The following GNG7 variants were observed in gnomAD, a reference collection of about 807,000 sequenced individuals.
The protein encoded by GNG7 is guanine nucleotide-binding protein G(I)/G(S)/G(O) subunit gamma-7.
In GNG7, 1 loss-of-function variant was observed where a neutral mutation model predicts 4.0. The ratio of observed to expected loss-of-function variants is 0.25; its 90% confidence interval spans 0.09 to 1.18. The LOEUF (loss-of-function observed/expected upper bound fraction) is 1.18. Ranked by LOEUF, GNG7 falls within the 50% of genes most tolerant of loss-of-function variation. The pLI is 0.50. For missense variants in GNG7, 86 were observed against 91.9 expected (o/e 0.94, Z 0.26); for synonymous variants, 34 against 36.9 (o/e 0.92, Z 0.29).
intron 2 of GNG7, among the ~76,000 whole-genome samples, chr19:2,583,696 A>G (rs1012160404): frequency 6.6e-6 from 1 of 152,200 alleles, no homozygotes; most frequent in Non-Finnish European, 1.5e-5. Flanking sequence ...GAAATAATAA[A>G]CAACTTAGAT....
At chr19:2,579,386 C>A (rs1392354093) in intron 2 of GNG7, among the ~76,000 whole-genome samples, 3 of 152,228 alleles carry the variant, frequency 2.0e-5, no homozygotes, top group Non-Finnish European at 4.4e-5. Flanking sequence ...CCCACCCAGA[C>A]CTGCGCCCTG....
At chr19:2,665,196 C>T (rs898005445) in intron 1 of GNG7, among the ~76,000 whole-genome samples, 4 of 152,318 alleles carry the variant, frequency 2.6e-5, no homozygotes, top group African/African-American at 7.2e-5. Context: ...CTGAGTCTCT[C>T]CTCCCAGGCA....
intron 3 of GNG7, among the ~76,000 whole-genome samples, chr19:2,532,777 T>A (rs1271011870): frequency 6.6e-6 from 1 of 152,050 alleles, no homozygotes; most frequent in South Asian, 2.1e-4. Context: ...TGGCAAAAAT[T>A]TAAAAGACTG....
intron 2 of GNG7, among the ~76,000 whole-genome samples, chr19:2,627,018 A>G (rs1249900845): frequency 2.0e-5 from 3 of 151,960 alleles, no homozygotes; most frequent in Non-Finnish European, 4.4e-5. Context: ...GACGGCATAA[A>G]CCCGGGAGCC....
chr19:2,549,373 A>C (rs6510684), intron 3 of GNG7, among the ~76,000 whole-genome samples: 95,453 of 150,068 alleles, frequency 0.64, 31,270 homozygotes, highest in East Asian at 0.87. Flanking sequence ...CTCACTGCAA[A>C]CTCCACCCCC....
chr19:2,618,420 C>G lies in GNG7; in HGVS notation c.-78+27804G>C, dbSNP rs1981779781. Among the ~76,000 whole-genome samples the G allele has an allele frequency of 6.6e-6, 1 of 151,938 alleles. No individual in the cohort carries two copies. Among genetic ancestry groups the G allele is most frequent in the Admixed American group, 6.6e-5 (1 of 15,252 alleles). On this transcript the variant is annotated intron_variant, in intron 2 of 4. Coordinates refer to ENST00000382159, the MANE Select transcript of GNG7 (RefSeq NM_052847.3). The surrounding 1 kb of genome is among the most constrained non-coding windows in gnomAD (Gnocchi z 5.1). ...CTGGAGTGCAGTGGTGCAACCTCAG[C>G]TCACTGCAACCTGCACCTCCCCTGT...
chr19:2,523,506 A>C (rs372840595), intron 3 of GNG7, among the ~76,000 whole-genome samples: 1 of 152,080 alleles, frequency 6.6e-6, no homozygotes, highest in African/African-American at 2.4e-5. Flanking sequence ...TGGGCAATTT[A>C]GTGAGACCCC....
chr19:2,671,496 C>T (rs62119826), intron 1 of GNG7, among the ~76,000 whole-genome samples: 4 of 151,894 alleles, frequency 2.6e-5, no homozygotes, highest in African/African-American at 7.3e-5. Flanking sequence ...GCCGCCTCCC[C>T]GAGACCCGAG....
intron 1 of GNG7, among the ~76,000 whole-genome samples, chr19:2,658,238 C>T (rs1983046622): frequency 1.3e-5 from 2 of 152,120 alleles, no homozygotes; most frequent in African/African-American, 4.8e-5. Context: ...CCAGTTTCCC[C>T]TCATGTTAGT....
intron 1 of GNG7, among the ~76,000 whole-genome samples, chr19:2,680,522 A>C (rs1478629604): frequency 1.3e-5 from 2 of 151,866 alleles, no homozygotes; most frequent in East Asian, 3.9e-4. Context: ...GTGACCACAT[A>C]GACTAACAGT....
chr19:2,550,616 G>A (rs950459675), intron 3 of GNG7, among the ~76,000 whole-genome samples: 6 of 152,174 alleles, frequency 3.9e-5, no homozygotes, highest in Non-Finnish European at 8.8e-5. Flanking sequence ...TGAGGGGCTT[G>A]TGCAGATGAG....
intron 2 of GNG7, among the ~76,000 whole-genome samples, chr19:2,574,950 C>A (rs191059763): frequency 6.6e-6 from 1 of 152,210 alleles, no homozygotes; most frequent in Non-Finnish European, 1.5e-5. Context: ...CTGGCAGGCC[C>A]TGTGAAAGGC....
rs374576942 is a variant in GNG7 at position 2,598,396 on chromosome 19, G to A, written c.-77-43208C>T. ...GAATTGGCCGGGCGTGGTGGCTCAC[G>A]CCTGTACTCCCAGCACTTTGGGAGG... On this transcript the variant is annotated intron_variant, in intron 2 of 4. Coordinates refer to ENST00000382159, the MANE Select transcript of GNG7 (RefSeq NM_052847.3). 3.6e-4 allele frequency among the ~76,000 whole-genome samples: 55 copies of A among 151,808 alleles called. 1 individual carries two copies. Among genetic ancestry groups the A allele is most frequent in the Non-Finnish European group, 5.7e-4 (39 of 67,928 alleles).
At chr19:2,574,013 C>T (rs185431514) in intron 2 of GNG7, among the ~76,000 whole-genome samples, 2 of 152,316 alleles carry the variant, frequency 1.3e-5, no homozygotes, top group East Asian at 1.9e-4. Flanking sequence ...TCTGCCGCCT[C>T]GGGGAGGCCT....
intron 2 of GNG7, among the ~76,000 whole-genome samples, chr19:2,639,667 C>A: frequency 1.0e-4 from 1 of 9,620 alleles, no homozygotes; most frequent in Non-Finnish European, 1.9e-4. Flanking sequence ...GGGAGGGATT[C>A]AGGAAGGAAG....
chr19:2,541,449 T>C (rs572948819), intron 3 of GNG7, among the ~76,000 whole-genome samples: 12 of 144,244 alleles, frequency 8.3e-5, no homozygotes, highest in African/African-American at 2.9e-4. Context: ...AGTAAAAAAA[T>C]CAAGGCCGGG....
intron 1 of GNG7, among the ~76,000 whole-genome samples, chr19:2,674,670 A>T (rs575885150): frequency 6.6e-6 from 1 of 152,182 alleles, no homozygotes; most frequent in African/African-American, 2.4e-5. Flanking sequence ...TCCTGACCTC[A>T]GGTGATCCAC....
At chr19:2,598,392 T>A (rs1161386087) in intron 2 of GNG7, among the ~76,000 whole-genome samples, 3 of 151,244 alleles carry the variant, frequency 2.0e-5, no homozygotes, top group East Asian at 1.9e-4. Context: ...GCGTGGTGGC[T>A]CACGCCTGTA....
At chr19:2,518,057 C>T (rs115497719) in intron 4 of GNG7, among the ~76,000 whole-genome samples, 1 of 152,208 alleles carries the variant, frequency 6.6e-6, no homozygotes, top group Admixed American at 6.6e-5. Context: ...GCCTCCAGAC[C>T]CCGAAAATAG....
Sources: allele counts gnomAD v4.1 joint callset (sites outside exome capture counted in the v4.1 genomes callset), GRCh38; gene constraint gnomAD v4.1.1; non-coding constraint Gnocchi (gnomAD v3.1); transcripts MANE v1.5; gene names NCBI Gene and HGNC (gene_info 2026-07-23, HGNC 2026-07-21).